The following ZC3H15 variants were observed in gnomAD, a reference collection of about 807,000 sequenced individuals.
ZC3H15 encodes the protein zinc finger CCCH-type containing 15.
In ZC3H15, 15 loss-of-function variants were observed where a neutral mutation model predicts 51.2. The ratio of observed to expected loss-of-function variants is 0.29; its 90% CI spans 0.20 to 0.45. ZC3H15 has a LOEUF of 0.45. Ranked by LOEUF, ZC3H15 falls within the 20% of genes least tolerant of loss-of-function variation. The pLI is 1.00. For missense variants in ZC3H15, 381 were observed against 494.7 expected (o/e 0.77, Z 2.18); for synonymous variants, 144 against 162.8 (o/e 0.88, Z 0.88).
At chr2:186,500,511 C>A (rs1574425371) in intron 3 of ZC3H15, 2 of 651,162 alleles carry the variant, frequency 3.1e-6, no homozygotes, top group East Asian at 6.2e-5. Context: ...ATGCACCCCA[C>A]ACTTAAGGCA....
chr2:186,504,337 C>A, intron 6 of ZC3H15, 123 bp downstream of exon 6: 4 of 821,276 alleles, frequency 4.9e-6, no homozygotes, highest in East Asian at 3.0e-5. Flanking sequence ...GATCTATTCC[C>A]AAAGTTGCCC....
Position 186,501,336 on chromosome 2 carries a change from A to G in ZC3H15, c.353A>G (p.Lys118Arg), listed in dbSNP as rs1234943941. ...CAAGGACAGTGTACTAAAGGAGATA[A>G]GTGTAAGTTCTCCCATGACTTGACT... Reference protein sequence around the residue: ...FKQGQCTKGDKCKFSHDLTLE... With the variant: ...FKQGQCTKGDRCKFSHDLTLE... The change falls in exon 4 of 10, where the codon AAG (lysine) becomes AGG (arginine). Residue 118 changes from lysine (K) to arginine (R), a missense_variant. Physicochemically the swap from Lys to Arg is conservative, Grantham distance 26. Coordinates refer to ENST00000337859, the MANE Select transcript of ZC3H15 (RefSeq NM_018471.3). 1.9e-6 allele frequency: 3 copies of G among 1,613,794 alleles called. No individual in the cohort carries two copies. The African/African-American group carries it at 4.0e-5, about 22-fold the overall frequency.
chr2:186,503,347 G>A (rs1685417696), intron 5 of ZC3H15, among the ~76,000 whole-genome samples: 1 of 152,048 alleles, frequency 6.6e-6, no homozygotes, highest in South Asian at 2.1e-4. Context: ...TTTTATTTAG[G>A]AAAGATCAAA....
chr2:186,500,518 G>T, intron 3 of ZC3H15: 1 of 643,990 alleles, frequency 1.6e-6, no homozygotes, highest in South Asian at 1.5e-5. Context: ...CCACACTTAA[G>T]GCAAAATTAG....
At chr2:186,486,497 C>G (rs967126108) in intron 1 of ZC3H15, 40 bp downstream of exon 1, 155 of 1,512,862 alleles carry the variant, frequency 1.0e-4, no homozygotes, top group Non-Finnish European at 1.3e-4. Flanking sequence ...CGCGAGCCCT[C>G]CGGAAAGCCA....
rs199796169 is a variant in ZC3H15, at chr2:186,508,614, G to A, written c.1162G>A (p.Glu388Lys). 55 of 1,614,060 alleles carry A rather than the reference G, an allele frequency of 3.4e-5. 1 individual carries two copies. The highest frequency in any genetic ancestry group is 4.0e-5 in the African/African-American group (3 of 75,046). Residue 388 changes from glutamate to lysine, a missense_variant, in exon 10 of 10, where the codon GAG (glutamate) becomes AAG (lysine). Physicochemically the swap from Glu to Lys is moderately conservative, Grantham distance 56. Transcript: ENST00000337859. Reference sequence around the variant, plus strand: ...AAGAAGTGACTTGGAAGAGGACAACGAGAGGGAGGGAACGGAAAATGGAGC... The same window carrying A: ...AAGAAGTGACTTGGAAGAGGACAACAAGAGGGAGGGAACGGAAAATGGAGC... ...GERSDLEEDNEREGTENGAID... is the reference protein window; with the variant it reads ...GERSDLEEDNKREGTENGAID...
chr2:186,501,460 T>A, intron 4 of ZC3H15, 35 bp downstream of exon 4: 2 of 1,571,156 alleles, frequency 1.3e-6, no homozygotes, highest in Non-Finnish European at 1.7e-6. Context: ...TAAAAATAAA[T>A]GTTGAATACT....
At chr2:186,504,385 A>G (rs1450248738) in intron 6 of ZC3H15, among the ~76,000 whole-genome samples, 171 bp downstream of exon 6, 1 of 152,180 alleles carries the variant, frequency 6.6e-6, no homozygotes, top group Non-Finnish European at 1.5e-5. Flanking sequence ...ATGTTAACCT[A>G]GCCATAAACA....
In ZC3H15 at chr2:186,508,996, C is replaced by T. The variant is rs16827948; in HGVS notation, c.*263C>T. 1.4e-3 allele frequency: 765 copies of T among 565,278 alleles called. 4 individuals carry two copies. The highest frequency in any genetic ancestry group is 0.013 in the African/African-American group (682 of 54,164). The allele number at this position is 565,278 out of a possible 1,614,324, so 35.0% of individuals were successfully genotyped here. On this transcript the variant is annotated 3_prime_UTR_variant, in exon 10 of 10. Transcript: ENST00000337859. ...ATGATTGATGTTGTAACTGTCCACC[C>T]AAGTAAGAAGTGTATCTGCCTTTCC...
At chr2:186,486,601 C>T (rs1202060314) in intron 1 of ZC3H15, 144 bp downstream of exon 1, 1 of 789,384 alleles carries the variant, frequency 1.3e-6, no homozygotes, top group South Asian at 2.5e-5. Flanking sequence ...CCTTCTCCAG[C>T]CCCTGATGAC....
chr2:186,505,663 AT>A, intron 7 of ZC3H15, 66 bp downstream of exon 7: 1 of 1,603,450 alleles, frequency 6.2e-7, no homozygotes, highest in Non-Finnish European at 8.5e-7. Flanking sequence ...GTCATGCAAG[AT>A]TTTGTTTCTA....
chr2:186,501,375 G>A lies in ZC3H15; in HGVS notation c.392G>A (p.Cys131Tyr), dbSNP rs1386685963. The A allele has an allele frequency of 6.2e-7, 1 of 1,613,894 alleles. No homozygotes were observed. Among genetic ancestry groups the A allele is most frequent in the Non-Finnish European group, 8.5e-7 (1 of 1,179,906 alleles). ...FSHDLTLERK[C>Y]EKRSVYIDAR... ...CATGACTTGACTCTGGAGAGAAAAT[G>A]TGAAAAGCGAAGTGTTTACATTGAT... The change falls in exon 4 of 10, where the codon TGT (cysteine) becomes TAT (tyrosine). Residue 131 changes from cysteine (C) to tyrosine (Y), a missense_variant. Coordinates refer to ENST00000337859, the MANE Select transcript of ZC3H15 (RefSeq NM_018471.3).
rs1685452194 is a variant in ZC3H15, at chr2:186,505,479, A to G, written c.746A>G (p.Lys249Arg). 1.3e-6 allele frequency: 2 copies of G among 1,575,356 alleles called. No individual in the cohort carries two copies. The highest frequency in any genetic ancestry group is 2.0e-5 in the Admixed American group (1 of 50,480). The stretch of plus-strand genomic sequence containing the variant: ...TCTGCCCTAGGTCCAAATGTTACCA[A>G]AATCACTCTAGAATCTTTTCTTGCC... ...ERSALGPNVT[K>R]ITLESFLAWK... Residue 249 changes from lysine to arginine, a missense_variant, in exon 7 of 10, where the codon AAA becomes AGA. Coordinates refer to ENST00000337859, the MANE Select transcript of ZC3H15 (RefSeq NM_018471.3).
At chr2:186,496,049 A>G (rs1685276449) in intron 2 of ZC3H15, among the ~76,000 whole-genome samples, 1 of 152,070 alleles carries the variant, frequency 6.6e-6, no homozygotes, top group Non-Finnish European at 1.5e-5. Flanking sequence ...TATTTCAGTT[A>G]TGTTTTGCCA....
intron 1 of ZC3H15, among the ~76,000 whole-genome samples, chr2:186,491,180 G>T (rs768967093): frequency 2.6e-5 from 4 of 152,116 alleles, no homozygotes; most frequent in Non-Finnish European, 5.9e-5. Flanking sequence ...ACTTAATGAG[G>T]TTTCTCTGGG....
At chr2:186,505,418 T>C in intron 6 of ZC3H15, 33 bp from the exon 7 acceptor site, 1 of 1,513,200 alleles carries the variant, frequency 6.6e-7, no homozygotes, top group Non-Finnish European at 8.8e-7. Flanking sequence ...AGGTGACTTC[T>C]GTGGAAAAAA....
At position 186,505,473 on chromosome 2, in the gene ZC3H15, T is replaced by G; in HGVS notation, c.740T>G (p.Val247Gly). Reference protein sequence around the residue: ...ERERSALGPNVTKITLESFLA... With the variant: ...ERERSALGPNGTKITLESFLA... ...CAGCGTTCTGCCCTAGGTCCAAATG[T>G]TACCAAAATCACTCTAGAATCTTTT... The change falls in exon 7 of 10, where the codon GTT becomes GGT. Residue 247 changes from valine to glycine, a missense_variant. Val to Gly is a moderately radical substitution (Grantham distance 109). Transcript: ENST00000337859. 1 of 1,572,188 alleles carries G rather than the reference T, an allele frequency of 6.4e-7. No individual in the cohort carries two copies. The highest frequency in any genetic ancestry group is 2.0e-5 in the Admixed American group (1 of 50,180).
At chr2:186,502,041 C>T (rs1389892097) in intron 4 of ZC3H15, among the ~76,000 whole-genome samples, 5 of 151,604 alleles carry the variant, frequency 3.3e-5, no homozygotes, top group Non-Finnish European at 7.4e-5. Flanking sequence ...TTTATTTCTG[C>T]CTTTGGTGTT....
intron 9 of ZC3H15, 137 bp from the exon 10 acceptor site, chr2:186,508,406 C>G: frequency 1.4e-6 from 1 of 720,426 alleles, no homozygotes; most frequent in South Asian, 1.9e-5. Flanking sequence ...TCAGTTCTTG[C>G]TGGAGTAATT....
Sources: allele counts gnomAD v4.1 joint callset (sites outside exome capture counted in the v4.1 genomes callset), GRCh38; gene constraint gnomAD v4.1.1; transcripts MANE v1.5; gene names NCBI Gene and HGNC (gene_info 2026-07-23, HGNC 2026-07-21).